Variants in MEGF10 observed in about 807,000 individuals in gnomAD.
The protein encoded by MEGF10 is multiple EGF like domains 10, also known as multiple epidermal growth factor-like domains protein 10.
MEGF10 carries 86 observed loss-of-function variants against 147.5 expected under a neutral mutation model. The ratio of observed to expected loss-of-function variants is 0.58; its 90% CI spans 0.49 to 0.70. MEGF10 has a LOEUF of 0.70. MEGF10 is among the 30% of genes least tolerant of loss of function. The probability of loss-of-function intolerance (pLI) is 0.00; values close to 1 mark genes in which losing one functional copy is unlikely to be tolerated. For missense variants in MEGF10, 1,329 were observed against 1,487.3 expected (o/e 0.89, Z 1.75); for synonymous variants, 478 against 525.5 (o/e 0.91, Z 1.24).
At chr5:127,419,358 A>C (rs1580846630) in intron 11 of MEGF10, 118 bp downstream of exon 11, 54 of 1,230,682 alleles carry the variant, frequency 4.4e-5, no homozygotes, top group Admixed American at 2.4e-4. Context: ...TCAGTGTCTG[A>C]CCTCCGCAAG....
At chr5:127,263,531 G>T in the MEGF10 span, among the ~76,000 whole-genome samples, 2 of 151,892 alleles carry the variant, frequency 1.3e-5, no homozygotes, top group African/African-American at 4.8e-5. Flanking sequence ...CTTAGTTGAA[G>T]GGAAAAAAAT....
rs1333386835 is a variant in MEGF10 at position 127,443,139 on chromosome 5, G to C, written c.2491+13G>C. ...AGATGTGATCAAGGTAAATATACTA[G>C]CTAATGTTTGTAGCACTGCAGTATT... On this transcript the variant is annotated intron_variant, in intron 19 of 24. Transcript: ENST00000503335. 2 of 1,609,668 alleles carry C rather than the reference G, an allele frequency of 1.2e-6. No homozygotes were observed. The highest frequency in any genetic ancestry group is 8.5e-7 in the Non-Finnish European group (1 of 1,177,532).
chr5:127,327,806 C>T (rs1386496670), intron 1 of MEGF10, among the ~76,000 whole-genome samples: 1 of 151,722 alleles, frequency 6.6e-6, no homozygotes, highest in African/African-American at 2.4e-5. Context: ...CCTCCGCCTC[C>T]CAGGTTCAAG....
intron 3 of MEGF10, 68 bp from the exon 4 acceptor site, chr5:127,340,462 A>T: frequency 8.5e-7 from 1 of 1,173,414 alleles, no homozygotes; most frequent in Non-Finnish European, 1.3e-6. Flanking sequence ...TTTCTTCATA[A>T]CTAGTTTGAA....
upstream of MEGF10, among the ~76,000 whole-genome samples, chr5:127,287,039 T>A (rs918907863): frequency 6.6e-6 from 1 of 151,950 alleles, no homozygotes; most frequent in Non-Finnish European, 1.5e-5. Flanking sequence ...AGAAAAACCG[T>A]ATAATAATTT....
At chr5:127,280,631 G>T in the MEGF10 span, among the ~76,000 whole-genome samples, 1 of 152,122 alleles carries the variant, frequency 6.6e-6, no homozygotes, top group Non-Finnish European at 1.5e-5. Flanking sequence ...CACGCGTGCA[G>T]TTTGTGCACT....
chr5:127,422,630 C>G (rs760168067), intron 12 of MEGF10, 40 bp from the exon 13 acceptor site: 1 of 1,523,014 alleles, frequency 6.6e-7, no homozygotes, highest in Non-Finnish European at 9.1e-7. Context: ...TGGGATTTCC[C>G]AGGCCCTCAT....
At chr5:127,365,852 A>G (rs1762634226) in intron 4 of MEGF10, among the ~76,000 whole-genome samples, 2 of 152,240 alleles carry the variant, frequency 1.3e-5, no homozygotes, top group African/African-American at 2.4e-5. Flanking sequence ...TAAAAAAAGA[A>G]GAAAGGACAT....
the MEGF10 span, among the ~76,000 whole-genome samples, chr5:127,249,670 C>T: frequency 1.3e-5 from 2 of 151,976 alleles, no homozygotes; most frequent in East Asian, 3.9e-4. Context: ...TTAAATAAAA[C>T]CACACAGCTA....
intron 1 of MEGF10, among the ~76,000 whole-genome samples, chr5:127,318,829 A>C (rs1200939065): frequency 6.6e-6 from 1 of 152,162 alleles, no homozygotes; most frequent in Non-Finnish European, 1.5e-5. Flanking sequence ...CTTTCCCAGA[A>C]CTTTTAAAAA....
chr5:127,260,527 T>C, the MEGF10 span, among the ~76,000 whole-genome samples: 1 of 152,216 alleles, frequency 6.6e-6, no homozygotes, highest in African/African-American at 2.4e-5. Context: ...GAAAGATAAA[T>C]GGAATTACTC....
chr5:127,297,608 A>C (rs138907116), intron 1 of MEGF10, among the ~76,000 whole-genome samples: 1 of 152,298 alleles, frequency 6.6e-6, no homozygotes, highest in Non-Finnish European at 1.5e-5. Context: ...CTCAGCAAAC[A>C]TGTGGTGGCA....
Position 127,440,814 on chromosome 5 carries a change from T to C in MEGF10, c.2309T>C (p.Ile770Thr). 3 of 1,614,112 alleles carry C rather than the reference T, an allele frequency of 1.9e-6. No homozygotes were observed. Among genetic ancestry groups the C allele is most frequent in the East Asian group, 2.2e-5 (1 of 44,872 alleles). ...QCQNGADCDH[I>T]SGQCTCRTGF... is the part of the protein sequence containing the mutation. ...CAAAACGGAGCTGACTGCGACCACA[T>C]TTCTGGGCAGTGTACTTGCCGCACT... Residue 770 changes from isoleucine (I) to threonine (T), a missense_variant, in exon 18 of 25, where the codon ATT becomes ACT. Ile to Thr is a moderately conservative substitution (Grantham distance 89, BLOSUM62 -1). Around this residue, in one of 3 missense-constraint regions of MEGF10, gnomAD observed 980 missense variants for 1,085.9 expected, o/e 0.90. Transcript: ENST00000503335.
chr5:127,421,440 C>T (rs1359715990), intron 12 of MEGF10, among the ~76,000 whole-genome samples: 1 of 152,196 alleles, frequency 6.6e-6, no homozygotes, highest in Non-Finnish European at 1.5e-5. Flanking sequence ...TTCTGTACCC[C>T]TGTTTCTCTT....
the MEGF10 span, among the ~76,000 whole-genome samples, chr5:127,245,033 A>G: frequency 6.6e-6 from 1 of 152,178 alleles, no homozygotes; most frequent in Admixed American, 6.5e-5. Context: ...ATGCTGCCCA[A>G]AGTAATGTAT....
chr5:127,277,845 A>C, the MEGF10 span, among the ~76,000 whole-genome samples: 7 of 152,344 alleles, frequency 4.6e-5, no homozygotes, highest in South Asian at 1.5e-3. Flanking sequence ...AAATGAAAGG[A>C]AAAAGATGCC....
intron 1 of MEGF10, among the ~76,000 whole-genome samples, chr5:127,307,415 G>A (rs1195121847): frequency 6.6e-6 from 1 of 152,180 alleles, no homozygotes; most frequent in Non-Finnish European, 1.5e-5. Context: ...CCCCAGCTTC[G>A]CCTGGGCTAG....
chr5:127,233,096 T>C, the MEGF10 span, among the ~76,000 whole-genome samples: 1 of 152,214 alleles, frequency 6.6e-6, no homozygotes, highest in Non-Finnish European at 1.5e-5. Flanking sequence ...GGCCCTATTG[T>C]TGAAGTTGTC....
In MEGF10 at chr5:127,420,213, C is replaced by T; in HGVS notation, c.1590+6C>T. On this transcript the variant is annotated splice_donor_region_variant and intron_variant, in intron 12 of 24. Coordinates refer to ENST00000503335, the MANE Select transcript of MEGF10 (RefSeq NM_001256545.2). ...AATGCGAACTTCCCTGCCAGGTATG[C>T]ACAAATCAGCGCCCTGACGGAAAAC... 6.2e-7 allele frequency: 1 copy of T among 1,613,338 alleles called. No homozygotes were observed. Among genetic ancestry groups the T allele is most frequent in the Non-Finnish European group, 8.5e-7 (1 of 1,179,578 alleles).
Sources: allele counts gnomAD v4.1 joint callset (sites outside exome capture counted in the v4.1 genomes callset), GRCh38; gene constraint gnomAD v4.1.1; regional missense constraint gnomAD v4.1.1; transcripts MANE v1.5; gene names NCBI Gene and HGNC (gene_info 2026-07-23, HGNC 2026-07-21).